The following SPPL2B variants were observed in gnomAD, a reference collection of about 807,000 sequenced individuals.
SPPL2B encodes the protein signal peptide peptidase like 2B.
A neutral mutation model predicts 59.7 loss-of-function variants in SPPL2B; 39 were observed. The ratio of observed to expected loss-of-function variants is 0.65; its 90% CI spans 0.51 to 0.85. The LOEUF (loss-of-function observed/expected upper bound fraction) is 0.85. SPPL2B is among the 40% of genes least tolerant of loss of function. The pLI, the probability that SPPL2B is intolerant of heterozygous loss-of-function variation, is 0.00. For synonymous variants in SPPL2B, 419 were observed against 370.8 expected, an observed-to-expected ratio of 1.13 and a Z score of -1.49; for missense variants, 865 against 849.0, an observed-to-expected ratio of 1.02 and a Z score of -0.23.
chr19:2,340,152 G>GT lies in SPPL2B; in HGVS notation c.819_820insT (p.Leu274SerfsTer118). ...GCTGCCTGGCGCCCTGTGTGCGGCG[G>GT]CTGCCCTTCGGCAAGTGCAGGTGAG... On this transcript the variant is annotated frameshift_variant, in exon 7 of 15. Coordinates refer to ENST00000613503, the MANE Select transcript of SPPL2B (RefSeq NM_152988.3). LOFTEE classifies it high-confidence loss of function. 6.3e-7 allele frequency: 1 copy of GT among 1,575,612 alleles called. No homozygotes were observed. The highest frequency in any genetic ancestry group is 1.1e-5 in the South Asian group (1 of 87,136).
rs539707742 is a variant in SPPL2B, at chr19:2,336,313, T to C, written c.187-1130T>C. ...GTATGTGTGCAGGTGTGTGTAAGCA[T>C]GTAGCTACATAATAGTTATGTTTGT... is the stretch of plus-strand genomic sequence containing the variant. On this transcript the variant is annotated intron_variant, in intron 2 of 14. Coordinates refer to ENST00000613503, the MANE Select transcript of SPPL2B (RefSeq NM_152988.3). Among the ~76,000 whole-genome samples, 3 of 152,002 alleles carry C rather than the reference T, an allele frequency of 2.0e-5. No homozygotes were observed. The South Asian group carries it at 6.3e-4, about 32-fold the overall frequency.
intron 12 of SPPL2B, among the ~76,000 whole-genome samples, chr19:2,344,988 G>A (rs970272563): frequency 1.3e-5 from 2 of 152,140 alleles, no homozygotes; most frequent in Admixed American, 6.5e-5. Flanking sequence ...GGCAGAGACT[G>A]TACCCTCGCA....
chr19:2,340,078 T>C lies in SPPL2B; in HGVS notation c.745T>C (p.Tyr249His). The part of the protein sequence containing the change: ...LLYYFYDLLV[Y>H]VVIGIFCLAS... Reference sequence around the variant, plus strand: ...GCCTCACGGCCCTGCCCCTGCAGTGTACGTGGTCATCGGGATCTTCTGCCT... The same window carrying C: ...GCCTCACGGCCCTGCCCCTGCAGTGCACGTGGTCATCGGGATCTTCTGCCT... Residue 249 changes from tyrosine to histidine, a missense_variant and splice_region_variant, in exon 7 of 15, where the codon TAC becomes CAC. Physicochemically the swap from Tyr to His is moderately conservative, Grantham distance 83. Transcript: ENST00000613503. 4 of 1,593,160 alleles carry C rather than the reference T, an allele frequency of 2.5e-6. No individual in the cohort carries two copies. The highest frequency in any genetic ancestry group is 3.3e-4 in the Middle Eastern group (2 of 6,046).
At chr19:2,336,820 G>A (rs1229802627) in intron 2 of SPPL2B, among the ~76,000 whole-genome samples, 1 of 144,866 alleles carries the variant, frequency 6.9e-6, no homozygotes, top group Admixed American at 6.8e-5. Context: ...CGCTGGCCTG[G>A]CTGCGGCTAT....
At chr19:2,328,804 C>G in intron 1 of SPPL2B, 29 bp downstream of exon 1, 1 of 1,354,828 alleles carries the variant, frequency 7.4e-7, no homozygotes, top group African/African-American at 1.5e-5. Context: ...CCGACGGCAC[C>G]GCGGGCTGCG....
rs1289199755 is a variant in SPPL2B, at chr19:2,334,821, G to A, written c.186+100G>A. ...GGGGTTGCAGGAAAGATCCAGAGGC[G>A]AGAGGCAGGCCCTGACCAGGTCTGG... On this transcript the variant is annotated intron_variant, in intron 2 of 14. Transcript: ENST00000613503. 6 of 1,403,800 alleles carry A rather than the reference G, an allele frequency of 4.3e-6. No homozygotes were observed. The Admixed American group carries it at 1.1e-4, about 26-fold the overall frequency. The allele number at this position is 1,403,800 out of a possible 1,614,324, so 87.0% of individuals were successfully genotyped here. A position where few individuals can be genotyped will look rare whatever the true frequency, so the allele number is the denominator to read the frequency against.
chr19:2,339,176 C>T lies in SPPL2B; in HGVS notation c.567C>T (p.Gly189=), dbSNP rs772884871. 6.2e-6 allele frequency: 10 copies of T among 1,604,778 alleles called. No individual in the cohort carries two copies. Among genetic ancestry groups the T allele is most frequent in the Middle Eastern group, 1.7e-4 (1 of 5,910 alleles). ...FIMAVGTVAI[G]GYWAGSRDVK... ...TGGCTGTGGGCACCGTCGCCATCGGCGGCTACTGGGCCGGGAGTCGGGACG... is the reference window on the plus strand; with the variant it reads ...TGGCTGTGGGCACCGTCGCCATCGGTGGCTACTGGGCCGGGAGTCGGGACG... Residue 189 remains glycine, a synonymous_variant, in exon 5 of 15, where the codon GGC becomes GGT. Coordinates refer to ENST00000613503, the MANE Select transcript of SPPL2B (RefSeq NM_152988.3).
In SPPL2B at chr19:2,353,601, A is replaced by C. The variant is rs1179784096; in HGVS notation, c.*392A>C. On this transcript the variant is annotated 3_prime_UTR_variant, in exon 15 of 15. Coordinates refer to ENST00000613503, the MANE Select transcript of SPPL2B (RefSeq NM_152988.3). ...CACCAGCTGCTTCGGCCTTCAGGTG[A>C]CCTCCCTCCCCACGGCATCCTGCTC... The C allele has an allele frequency of 1.5e-5, 3 of 199,808 alleles. No homozygotes were observed. The highest frequency in any genetic ancestry group is 1.1e-4 in the South Asian group (1 of 9,010). The allele number at this position is 199,808 out of a possible 1,614,324, so 12.4% of individuals were successfully genotyped here.
chr19:2,343,847 C>T (rs12610725), intron 9 of SPPL2B, 118 bp from the exon 10 acceptor site: 79,597 of 732,164 alleles, frequency 0.11, 4,967 homozygotes, highest in Middle Eastern at 0.17. Context: ...GCACTGGGCA[C>T]GCTCTGCTCA....
Position 2,332,776 on chromosome 19 carries a change from C to G in SPPL2B, c.67-1826C>G, listed in dbSNP as rs932880520. Reference sequence around the variant, plus strand: ...GTGCAGGCCGGGCTCCCCTGGGGGCCCACACTGAGGGTCTGCAGTGTGGCA... The same window carrying G: ...GTGCAGGCCGGGCTCCCCTGGGGGCGCACACTGAGGGTCTGCAGTGTGGCA... On this transcript the variant is annotated intron_variant, in intron 1 of 14. Transcript: ENST00000613503. This position sits in a 1 kb window ranked among gnomAD's most constrained non-coding sequence, Gnocchi z 4.6. 6.6e-6 allele frequency among the ~76,000 whole-genome samples: 1 copy of G among 152,118 alleles called. No homozygotes were observed. Among genetic ancestry groups the G allele is most frequent in the Non-Finnish European group, 1.5e-5 (1 of 68,016 alleles).
At position 2,345,284 on chromosome 19, in the gene SPPL2B, C is replaced by T. The variant is rs1969301476; in HGVS notation, c.1308C>T (p.Asp436=). The change falls in exon 13 of 15, where the codon GAC becomes GAT. Residue 436 remains aspartate, a synonymous_variant. Transcript: ENST00000613503. ...GLLVAYCHRF[D]IQVQSSRVYF... is the part of the protein sequence containing the mutation. ...TGGTGGCCTACTGCCACAGGTTTGA[C>T]ATCCAGGTACAGTCCTCCAGGGTAT... 6.2e-7 allele frequency: 1 copy of T among 1,613,116 alleles called. No homozygotes were observed. The highest frequency in any genetic ancestry group is 8.5e-7 in the Non-Finnish European group (1 of 1,179,732).
At chr19:2,348,407 G>A (rs1338541624) in intron 13 of SPPL2B, among the ~76,000 whole-genome samples, 11 of 69,286 alleles carry the variant, frequency 1.6e-4, no homozygotes, top group Non-Finnish European at 2.4e-4. Context: ...AGACTCACGC[G>A]CTCTCATTCG....
intron 2 of SPPL2B, among the ~76,000 whole-genome samples, chr19:2,335,034 G>C (rs1042769482): frequency 1.1e-4 from 17 of 152,154 alleles, no homozygotes; most frequent in African/African-American, 3.6e-4. Context: ...CCTCAGAGGA[G>C]TAACAGCAGA....
At chr19:2,329,468 T>C (rs1381942055) in intron 1 of SPPL2B, among the ~76,000 whole-genome samples, 1 of 152,154 alleles carries the variant, frequency 6.6e-6, no homozygotes, top group African/African-American at 2.4e-5. Context: ...AGTGTCAGGT[T>C]CTAGTGGGGA....
At chr19:2,351,860 G>A (rs1234785684) in intron 14 of SPPL2B, among the ~76,000 whole-genome samples, 1 of 151,960 alleles carries the variant, frequency 6.6e-6, no homozygotes, top group African/African-American at 2.4e-5. Context: ...GGGCCCAGGG[G>A]TGCCGGGTGG....
chr19:2,337,503 G>T lies in SPPL2B; in HGVS notation c.247G>T (p.Ala83Ser). Residue 83 changes from alanine to serine, a missense_variant, in exon 3 of 15, where the codon GCC becomes TCC. Ala to Ser is a moderately conservative substitution (Grantham distance 99, BLOSUM62 1). Coordinates refer to ENST00000613503, the MANE Select transcript of SPPL2B (RefSeq NM_152988.3). Reference protein sequence around the residue: ...SLLCSAADLPARGFSNQIPLV... With the variant: ...SLLCSAADLPSRGFSNQIPLV... ...GCTCTGCTCCGCAGCCGACCTCCCC[G>T]CCCGTGGCTTCAGCAACCAGATCCC... The T allele has an allele frequency of 6.2e-7, 1 of 1,613,250 alleles. No individual in the cohort carries two copies. Among genetic ancestry groups the T allele is most frequent in the Non-Finnish European group, 8.5e-7 (1 of 1,179,676 alleles).
At chr19:2,351,381 G>A (rs936064759) in intron 13 of SPPL2B, 53 bp from the exon 14 acceptor site, 2 of 1,429,276 alleles carry the variant, frequency 1.4e-6, no homozygotes, top group Non-Finnish European at 9.6e-7. Flanking sequence ...CCAGGGAAAT[G>A]GGTGGTGGCC....
At position 2,348,516 on chromosome 19, in the gene SPPL2B, C is replaced by T. The variant is rs1462166530; in HGVS notation, c.1355-2918C>T. On this transcript the variant is annotated intron_variant, in intron 13 of 14. Transcript: ENST00000613503. Reference sequence around the variant, plus strand: ...ACTCACGCTCTCATTCGCTTGATTCCGTTCTCTCTCCCTCCACACACACTC... The same window carrying T: ...ACTCACGCTCTCATTCGCTTGATTCTGTTCTCTCTCCCTCCACACACACTC... 2.8e-5 allele frequency among the ~76,000 whole-genome samples: 4 copies of T among 141,480 alleles called. No individual in the cohort carries two copies. In the East Asian group the frequency reaches 7.0e-4, roughly 25 times the overall value. The allele number at this position is 141,480 out of a possible 152,430, so 92.8% of individuals were successfully genotyped here.
At chr19:2,338,019 G>A (rs138360340) in intron 3 of SPPL2B, 68 of 77,324 alleles carry the variant, frequency 8.8e-4, no homozygotes, top group African/African-American at 6.1e-3. Flanking sequence ...CCTCTAGCCG[G>A]TGGGGCCGTG....
Sources: gnomAD v4.1 joint callset for allele counts (sites outside exome capture counted in the v4.1 genomes callset) on GRCh38, gnomAD v4.1.1 for gene constraint, Gnocchi (gnomAD v3.1) non-coding constraint, MANE v1.5 for transcripts, NCBI Gene and HGNC (gene_info 2026-07-23, HGNC 2026-07-21) for gene names.